The following NXPH1 variants were observed in gnomAD, a reference collection of about 807,000 sequenced individuals.
The protein encoded by NXPH1 is neurexophilin 1.
NXPH1 carries 5 observed loss-of-function variants against 23.7 expected under a neutral mutation model. That is an observed-to-expected ratio of 0.21 (90% CI 0.11 to 0.44). The LOEUF is 0.44. Ranked by LOEUF, NXPH1 falls within the 20% of genes least tolerant of loss-of-function variation. The pLI is 0.99. For synonymous variants in NXPH1, 144 were observed against 122.2 expected, an observed-to-expected ratio of 1.18 and a Z score of -1.18; for missense variants, 324 against 321.6, an observed-to-expected ratio of 1.01 and a Z score of -0.06.
chr7:8,443,992 G>C (rs982383966), intron 2 of NXPH1, among the ~76,000 whole-genome samples: 5 of 152,164 alleles, frequency 3.3e-5, no homozygotes, highest in African/African-American at 9.7e-5. Flanking sequence ...CAGACACTGC[G>C]GTCACTTAAA....
intron 2 of NXPH1, among the ~76,000 whole-genome samples, chr7:8,678,656 G>A (rs1056964657): frequency 9.2e-5 from 14 of 151,944 alleles, no homozygotes; most frequent in Admixed American, 6.6e-5. Flanking sequence ...AGGCTCCTAC[G>A]GGTCCGCAGA....
At position 8,453,402 on chromosome 7, in the gene NXPH1, G is replaced by T. The variant is rs916382918; in HGVS notation, c.54+17635G>T. On this transcript the variant is annotated intron_variant, in intron 2 of 2. Coordinates refer to ENST00000405863, the MANE Select transcript of NXPH1 (RefSeq NM_152745.3). Reference sequence around the variant, plus strand: ...AAAAATGTTATAGAAATGCATCATTGGTTGCCAAGGTGGCTGTATATGCCA... The same window carrying T: ...AAAAATGTTATAGAAATGCATCATTTGTTGCCAAGGTGGCTGTATATGCCA... Among the ~76,000 whole-genome samples, 3 of 152,086 alleles carry T rather than the reference G, an allele frequency of 2.0e-5. No homozygotes were observed. The South Asian group carries it at 6.2e-4, about 31-fold the overall frequency.
At chr7:8,616,195 A>C (rs1424674539) in intron 2 of NXPH1, among the ~76,000 whole-genome samples, 1 of 151,988 alleles carries the variant, frequency 6.6e-6, no homozygotes, top group Non-Finnish European at 1.5e-5. Flanking sequence ...AGTCACGTTC[A>C]ACCACACTGG....
At chr7:8,738,773 T>C (rs1229767583) in intron 2 of NXPH1, among the ~76,000 whole-genome samples, 1 of 152,142 alleles carries the variant, frequency 6.6e-6, no homozygotes, top group African/African-American at 2.4e-5. Flanking sequence ...GAGTTTTATC[T>C]ATAAGCCCCT....
At chr7:8,638,336 T>C (rs559350748) in intron 2 of NXPH1, among the ~76,000 whole-genome samples, 3 of 152,286 alleles carry the variant, frequency 2.0e-5, no homozygotes, top group South Asian at 4.1e-4. Context: ...CACCAGCCCG[T>C]AGATGCTCCC....
chr7:8,589,930 A>G (rs1819057875), intron 2 of NXPH1, among the ~76,000 whole-genome samples: 3 of 152,194 alleles, frequency 2.0e-5, no homozygotes, highest in South Asian at 4.1e-4. Flanking sequence ...CAATTCCCCA[A>G]TCTCATTAGC....
intron 2 of NXPH1, among the ~76,000 whole-genome samples, chr7:8,638,257 G>A (rs1273203213): frequency 1.3e-5 from 2 of 152,102 alleles, no homozygotes; most frequent in Non-Finnish European, 2.9e-5. Context: ...AACCACATCC[G>A]ACAGCTAGGA....
At chr7:8,580,520 T>C (rs1818845375) in intron 2 of NXPH1, among the ~76,000 whole-genome samples, 3 of 152,062 alleles carry the variant, frequency 2.0e-5, no homozygotes, top group East Asian at 1.9e-4. Context: ...CCTTGGAAAA[T>C]TGCAAAGCTG....
At chr7:8,660,848 A>G (rs1408770856) in intron 2 of NXPH1, among the ~76,000 whole-genome samples, 1 of 152,122 alleles carries the variant, frequency 6.6e-6, no homozygotes. Flanking sequence ...TAGTTTTACT[A>G]TTTGTCTTTT....
intron 2 of NXPH1, among the ~76,000 whole-genome samples, chr7:8,626,414 C>T (rs1278072468): frequency 6.7e-6 from 1 of 149,352 alleles, no homozygotes; most frequent in African/African-American, 2.5e-5. Context: ...ACTTCAAATA[C>T]TTACCTTACT....
chr7:8,566,126 TTG>T (rs1258474068), intron 2 of NXPH1, among the ~76,000 whole-genome samples: 1 of 151,792 alleles, frequency 6.6e-6, no homozygotes, highest in Non-Finnish European at 1.5e-5. Flanking sequence ...AAGCACAGCA[TTG>T]TGTTTTCTGA....
intron 2 of NXPH1, among the ~76,000 whole-genome samples, chr7:8,684,733 TCAGTGTC>T (rs1199876560): frequency 6.6e-6 from 1 of 152,210 alleles, no homozygotes; most frequent in Admixed American, 6.5e-5. Flanking sequence ...GTCATTTCCT[TCAGTGTC>T]CAATGTCCCC....
At chr7:8,626,191 G>GAAA (rs112831192) in intron 2 of NXPH1, among the ~76,000 whole-genome samples, 3 of 146,362 alleles carry the variant, frequency 2.0e-5, no homozygotes, top group East Asian at 2.0e-4. Context: ...AGTCAATTCT[G>GAAA]AAAAAAAAAA....
At chr7:8,492,652 GCGC>G (rs1817268181) in intron 2 of NXPH1, among the ~76,000 whole-genome samples, 1 of 151,918 alleles carries the variant, frequency 6.6e-6, no homozygotes, top group Non-Finnish European at 1.5e-5. Flanking sequence ...ATGGAAGATG[GCGC>G]CATCATCATC....
intron 2 of NXPH1, among the ~76,000 whole-genome samples, chr7:8,491,971 A>G (rs1234865614): frequency 1.3e-5 from 2 of 152,018 alleles, no homozygotes; most frequent in East Asian, 3.9e-4. Context: ...TGTATACAAC[A>G]CACAGTAAAA....
chr7:8,465,792 G>A (rs1472722673), intron 2 of NXPH1, among the ~76,000 whole-genome samples: 4 of 152,320 alleles, frequency 2.6e-5, no homozygotes, highest in South Asian at 2.1e-4. Flanking sequence ...CTGGCTTCAT[G>A]TCACACAACA....
chr7:8,739,170 G>GAAAAAAA (rs200123331), intron 2 of NXPH1, among the ~76,000 whole-genome samples: 3 of 55,592 alleles, frequency 5.4e-5, no homozygotes, highest in Non-Finnish European at 6.2e-5. Flanking sequence ...CACCAGTGGG[G>GAAAAAAA]TAAAAAAAAA....
At chr7:8,445,558 G>T (rs747795217) in intron 2 of NXPH1, among the ~76,000 whole-genome samples, 1 of 152,030 alleles carries the variant, frequency 6.6e-6, no homozygotes, top group Non-Finnish European at 1.5e-5. Context: ...ATTGAAAACC[G>T]CAGACTAAAA....
At chr7:8,738,503 C>A (rs769095528) in intron 2 of NXPH1, among the ~76,000 whole-genome samples, 3 of 152,126 alleles carry the variant, frequency 2.0e-5, no homozygotes, top group Non-Finnish European at 4.4e-5. Flanking sequence ...AAGCTTTGTC[C>A]CAGAGGGACA....
Sources: gnomAD v4.1 joint callset for allele counts (sites outside exome capture counted in the v4.1 genomes callset) on GRCh38, gnomAD v4.1.1 for gene constraint, MANE v1.5 for transcripts, NCBI Gene and HGNC (gene_info 2026-07-23, HGNC 2026-07-21) for gene names.